The following PKD1L1 variants were observed in gnomAD, a reference collection of about 807,000 sequenced individuals.
The protein encoded by PKD1L1 is polycystin-1-like protein 1.
Under a neutral mutation model 323.4 loss-of-function variants are expected in PKD1L1, and 236 were observed. The ratio of observed to expected loss-of-function variants is 0.73; its 90% confidence interval spans 0.66 to 0.81. The LOEUF is 0.81. Among genes scored for constraint, PKD1L1 ranks in the 40% least tolerant of loss-of-function variants. The probability of loss-of-function intolerance (pLI) is 0.00; values close to 1 mark genes in which losing one functional copy is unlikely to be tolerated. For missense variants in PKD1L1, 3,320 were observed against 3,508.0 expected (o/e 0.95, Z 1.35); for synonymous variants, 1,344 against 1,335.0 (o/e 1.01, Z -0.15).
At chr7:47,825,519 G>T (rs1454698456) in intron 45 of PKD1L1, among the ~76,000 whole-genome samples, 1 of 143,752 alleles carries the variant, frequency 7.0e-6, no homozygotes, top group East Asian at 2.0e-4. Flanking sequence ...CAACAAGAGC[G>T]AAACTCTGTC....
chr7:47,959,319 C>T, the PKD1L1 span, among the ~76,000 whole-genome samples: 1 of 150,550 alleles, frequency 6.6e-6, no homozygotes, highest in Non-Finnish European at 1.5e-5. Context: ...TGCCTGGCTA[C>T]CCAGTCTGGA....
At chr7:47,851,419 T>C (rs1312594081) in intron 31 of PKD1L1, among the ~76,000 whole-genome samples, 1 of 152,066 alleles carries the variant, frequency 6.6e-6, no homozygotes, top group Non-Finnish European at 1.5e-5. Flanking sequence ...TTTTAACACA[T>C]TGAATTTTTA....
chr7:47,788,371 A>C (rs1156805766), intron 56 of PKD1L1, among the ~76,000 whole-genome samples: 2 of 150,054 alleles, frequency 1.3e-5, no homozygotes, highest in African/African-American at 4.9e-5. Context: ...GCTCACTGCA[A>C]CCTCCACCTT....
At chr7:47,807,670 C>T (rs1316141655) in intron 52 of PKD1L1, among the ~76,000 whole-genome samples, 1 of 152,174 alleles carries the variant, frequency 6.6e-6, no homozygotes, top group Non-Finnish European at 1.5e-5. Context: ...TCAGCCCCCT[C>T]CCCAGGGCTC....
chr7:47,884,824 T>C (rs1017593142), intron 18 of PKD1L1, among the ~76,000 whole-genome samples, 167 bp from the exon 19 acceptor site: 4 of 152,138 alleles, frequency 2.6e-5, no homozygotes, highest in African/African-American at 9.7e-5. Flanking sequence ...CCCTCACTCA[T>C]GACAGCTGGG....
At position 47,830,081 on chromosome 7, in the gene PKD1L1, G is replaced by C; in HGVS notation, c.6517C>G (p.Leu2173Val). Residue 2173 changes from leucine (L) to valine (V), a missense_variant, in exon 43 of 57, where the codon CTC becomes GTC. Leu to Val is a conservative substitution (Grantham distance 32). Coordinates refer to ENST00000289672, the MANE Select transcript of PKD1L1 (RefSeq NM_138295.5). ...QCVQWLHLLS[L>V]SVVCCIFITQ... is the part of the protein sequence containing the mutation. The stretch of plus-strand genomic sequence containing the variant: ...ATGAAAATACAGCAGACCACGGAGA[G>C]GGACAGCAGGTGCAGCCACTGCACA... 6.2e-7 allele frequency: 1 copy of C among 1,614,184 alleles called. No homozygotes were observed. The highest frequency in any genetic ancestry group is 1.7e-5 in the Admixed American group (1 of 60,028).
chr7:47,929,902 C>A (rs951810692), intron 6 of PKD1L1, among the ~76,000 whole-genome samples: 1 of 152,216 alleles, frequency 6.6e-6, no homozygotes, highest in Non-Finnish European at 1.5e-5. Context: ...AAGATGGTAT[C>A]TCCCACAAGT....
rs1047627346 is a variant in PKD1L1 at position 47,801,099 on chromosome 7, G to A, written c.7963-220C>T. Among the ~76,000 whole-genome samples, 5 of 151,520 alleles carry A rather than the reference G, an allele frequency of 3.3e-5. No individual in the cohort carries two copies. In the South Asian group the frequency reaches 8.4e-4, roughly 25 times the overall value. The stretch of plus-strand genomic sequence containing the variant: ...CCACCCCACCAGCCTCCCACACTGT[G>A]GCTGGTCTCCCTCCTCCCTTTCAAG... On this transcript the variant is annotated intron_variant, in intron 53 of 56. Transcript: ENST00000289672.
At chr7:47,861,154 CT>C (rs1441646467) in intron 26 of PKD1L1, among the ~76,000 whole-genome samples, 1 of 152,210 alleles carries the variant, frequency 6.6e-6, no homozygotes, top group East Asian at 1.9e-4. Context: ...GAAAAAATAT[CT>C]GTTGTATTCA....
intron 15 of PKD1L1, among the ~76,000 whole-genome samples, chr7:47,892,561 T>C (rs1186780185): frequency 6.6e-6 from 1 of 151,616 alleles, no homozygotes; most frequent in Non-Finnish European, 1.5e-5. Context: ...AGGAGGGAGG[T>C]TGGGAGGTGG....
chr7:47,800,420 C>T (rs184361130), intron 54 of PKD1L1, among the ~76,000 whole-genome samples: 1 of 152,166 alleles, frequency 6.6e-6, no homozygotes, highest in Admixed American at 6.5e-5. Flanking sequence ...GAAGTGGCAC[C>T]CTGGGGTGGC....
chr7:47,781,279 T>C (rs1786685449), intron 56 of PKD1L1, among the ~76,000 whole-genome samples: 2 of 152,312 alleles, frequency 1.3e-5, no homozygotes, highest in Middle Eastern at 6.8e-3. Context: ...GGCTTCTTTA[T>C]ATATTGTAGA....
chr7:47,808,117 T>A, intron 52 of PKD1L1, 130 bp downstream of exon 52: 1 of 1,206,364 alleles, frequency 8.3e-7, no homozygotes, highest in Non-Finnish European at 1.2e-6. Flanking sequence ...ATCTGCCAGC[T>A]CAGAGCATCA....
At position 47,855,300 on chromosome 7, in the gene PKD1L1, A is replaced by G. The variant is rs775124837; in HGVS notation, c.4591-35T>C. 10 of 1,517,874 alleles carry G rather than the reference A, an allele frequency of 6.6e-6. No individual in the cohort carries two copies. In the Admixed American group the frequency reaches 1.2e-4, roughly 19 times the overall value. The allele number at this position is 1,517,874 out of a possible 1,614,324, so 94.0% of individuals were successfully genotyped here. On this transcript the variant is annotated intron_variant, in intron 28 of 56. Coordinates refer to ENST00000289672, the MANE Select transcript of PKD1L1 (RefSeq NM_138295.5). ...CAAAGACCATCTCAGAGCAAATGAC[A>G]GCAAGCAATGGACTTAAGTGAGAAA...
At chr7:47,895,185 G>A (rs1210504460) in intron 14 of PKD1L1, among the ~76,000 whole-genome samples, 1 of 152,200 alleles carries the variant, frequency 6.6e-6, no homozygotes, top group Non-Finnish European at 1.5e-5. Flanking sequence ...CTGAGGCTCT[G>A]ACTGTGAGGT....
chr7:47,873,193 G>A (rs1423075093), intron 24 of PKD1L1, among the ~76,000 whole-genome samples: 2 of 152,106 alleles, frequency 1.3e-5, no homozygotes, highest in African/African-American at 4.8e-5. Context: ...GGGAGTGACT[G>A]CTAATAAGTC....
chr7:47,875,957 A>G (rs1317788659), intron 23 of PKD1L1, 140 bp downstream of exon 23: 4 of 815,294 alleles, frequency 4.9e-6, no homozygotes, highest in Non-Finnish European at 7.2e-6. Context: ...AAAGGTAGAT[A>G]ATAAACCTAA....
chr7:47,798,319 G>A (rs1422617177), intron 54 of PKD1L1, among the ~76,000 whole-genome samples: 3 of 152,164 alleles, frequency 2.0e-5, no homozygotes, highest in African/African-American at 7.2e-5. Context: ...ATTCAATGGA[G>A]TAAATATTCT....
At chr7:47,880,010 A>G (rs1033148619) in intron 21 of PKD1L1, among the ~76,000 whole-genome samples, 2 of 151,390 alleles carry the variant, frequency 1.3e-5, no homozygotes, top group African/African-American at 4.9e-5. Flanking sequence ...GAAATGGGGG[A>G]AAATGTCTAG....
Sources: gnomAD v4.1 joint callset for allele counts (sites outside exome capture counted in the v4.1 genomes callset) on GRCh38, gnomAD v4.1.1 for gene constraint, MANE v1.5 for transcripts, NCBI Gene and HGNC (gene_info 2026-07-23, HGNC 2026-07-21) for gene names.